Variants in CTNND2 observed in about 807,000 individuals in gnomAD.
CTNND2 encodes the protein catenin delta-2.
Under a neutral mutation model 144.4 loss-of-function variants are expected in CTNND2, and 22 were observed. That is an observed-to-expected ratio of 0.15 (90% confidence interval 0.11 to 0.22). The LOEUF (loss-of-function observed/expected upper bound fraction) is 0.22. Ranked by LOEUF, CTNND2 falls within the 10% of genes least tolerant of loss-of-function variation. The probability of loss-of-function intolerance (pLI) is 1.00; values close to 1 mark genes in which losing one functional copy is unlikely to be tolerated. For missense variants in CTNND2, 1,353 were observed against 1,618.8 expected (o/e 0.84, Z 2.82); for synonymous variants, 751 against 695.6 (o/e 1.08, Z -1.25).
chr5:11,015,227 A>C (rs1741484507), intron 18 of CTNND2, among the ~76,000 whole-genome samples: 1 of 152,236 alleles, frequency 6.6e-6, no homozygotes, highest in Non-Finnish European at 1.5e-5. Flanking sequence ...ACAATTCATA[A>C]AGATGAATGA....
chr5:11,587,485 C>T (rs967008786), intron 2 of CTNND2, among the ~76,000 whole-genome samples: 3 of 151,716 alleles, frequency 2.0e-5, no homozygotes, highest in African/African-American at 4.8e-5. Context: ...TAAAAATATC[C>T]ATGGGTAGGC....
chr5:11,254,240 C>T (rs1266068410), intron 9 of CTNND2, among the ~76,000 whole-genome samples: 2 of 152,184 alleles, frequency 1.3e-5, no homozygotes, highest in Non-Finnish European at 2.9e-5. Context: ...TCTTAAATGA[C>T]TTGTGCAAAG....
At chr5:11,320,247 T>A (rs755059585) in intron 9 of CTNND2, among the ~76,000 whole-genome samples, 7 of 152,234 alleles carry the variant, frequency 4.6e-5, no homozygotes, top group Non-Finnish European at 7.3e-5. Context: ...GGTTGGCAGG[T>A]TTTGACAGGA....
At chr5:11,303,147 C>A (rs1247076393) in intron 9 of CTNND2, among the ~76,000 whole-genome samples, 1 of 152,250 alleles carries the variant, frequency 6.6e-6, no homozygotes, top group African/African-American at 2.4e-5. Flanking sequence ...CCACTCAACA[C>A]TTAGTCCAGT....
intron 1 of CTNND2, among the ~76,000 whole-genome samples, chr5:11,818,426 C>T (rs1461220080): frequency 2.6e-5 from 4 of 151,494 alleles, no homozygotes; most frequent in South Asian, 2.1e-4. Context: ...AGGAGTGCAG[C>T]GATGTGATCT....
chr5:11,472,898 T>G (rs1224198167), intron 3 of CTNND2, among the ~76,000 whole-genome samples: 1 of 152,150 alleles, frequency 6.6e-6, no homozygotes, highest in Non-Finnish European at 1.5e-5. Context: ...TGATTAAATT[T>G]GAGCAGTGTC....
chr5:11,608,190 A>T (rs1403152318), intron 2 of CTNND2, among the ~76,000 whole-genome samples: 1 of 152,212 alleles, frequency 6.6e-6, no homozygotes, highest in African/African-American at 2.4e-5. Context: ...ATAGAAACCC[A>T]GAAAACACAT....
chr5:11,494,550 A>G (rs1172954008), intron 3 of CTNND2, among the ~76,000 whole-genome samples: 2 of 152,186 alleles, frequency 1.3e-5, no homozygotes, highest in African/African-American at 4.8e-5. Flanking sequence ...ACTCCCCTGA[A>G]GCATTCGCTC....
intron 2 of CTNND2, among the ~76,000 whole-genome samples, chr5:11,585,474 T>TATC (rs1554089659): frequency 3.1e-5 from 3 of 96,704 alleles, no homozygotes; most frequent in Non-Finnish European, 6.2e-5. Flanking sequence ...TTTATATATT[T>TATC]TATCTATGTA....
chr5:11,835,265 T>C (rs887549683), intron 1 of CTNND2, among the ~76,000 whole-genome samples: 2 of 152,238 alleles, frequency 1.3e-5, no homozygotes, highest in African/African-American at 4.8e-5. Flanking sequence ...TGTAGCCTTA[T>C]TTTCTTCTAC....
intron 2 of CTNND2, among the ~76,000 whole-genome samples, chr5:11,624,022 C>A (rs558996805): frequency 6.6e-6 from 1 of 151,572 alleles, no homozygotes; most frequent in South Asian, 2.1e-4. Context: ...AAACTTGACA[C>A]CTGACCATAT....
At chr5:11,621,190 G>T (rs2126425765) in intron 2 of CTNND2, among the ~76,000 whole-genome samples, 1 of 152,254 alleles carries the variant, frequency 6.6e-6, no homozygotes, top group Non-Finnish European at 1.5e-5. Context: ...ATAAGTATCA[G>T]ATTTTAGACT....
At chr5:11,745,309 T>A (rs566059769) in intron 1 of CTNND2, among the ~76,000 whole-genome samples, 3 of 152,220 alleles carry the variant, frequency 2.0e-5, no homozygotes, top group Admixed American at 2.0e-4. Flanking sequence ...GCGCCCTTCG[T>A]GGGATACTAT....
At chr5:11,260,760 C>T (rs983999774) in intron 9 of CTNND2, among the ~76,000 whole-genome samples, 1 of 152,148 alleles carries the variant, frequency 6.6e-6, no homozygotes. Context: ...TTGAGGGACA[C>T]ATTCAAACCT....
At chr5:11,718,821 C>A (rs193216395) in intron 2 of CTNND2, among the ~76,000 whole-genome samples, 1 of 152,072 alleles carries the variant, frequency 6.6e-6, no homozygotes, top group Non-Finnish European at 1.5e-5. Flanking sequence ...TTTTTCTCTA[C>A]CAAATATCCT....
intron 1 of CTNND2, among the ~76,000 whole-genome samples, chr5:11,855,712 G>T (rs918451399): frequency 5.3e-5 from 8 of 152,184 alleles, no homozygotes; most frequent in African/African-American, 1.9e-4. Flanking sequence ...CCTAAATGAG[G>T]TTCTGATGCA....
At chr5:11,643,334 A>C (rs1156321990) in intron 2 of CTNND2, among the ~76,000 whole-genome samples, 3 of 150,712 alleles carry the variant, frequency 2.0e-5, no homozygotes, top group African/African-American at 7.3e-5. Context: ...TGCTGCACCC[A>C]TTAACTCGTC....
chr5:11,293,515 C>G (rs1274079112), intron 9 of CTNND2, among the ~76,000 whole-genome samples: 2 of 152,054 alleles, frequency 1.3e-5, no homozygotes. Context: ...TTTACTGTTT[C>G]TTTTATAATG....
chr5:11,832,715 C>T (rs778862153), intron 1 of CTNND2, among the ~76,000 whole-genome samples: 90 of 152,202 alleles, frequency 5.9e-4, no homozygotes, highest in South Asian at 1.7e-3. Flanking sequence ...CCAAGGCAGG[C>T]GAATCACTTG....
Sources: allele counts gnomAD v4.1 joint callset (sites outside exome capture counted in the v4.1 genomes callset), GRCh38; gene constraint gnomAD v4.1.1; transcripts MANE v1.5; gene names NCBI Gene and HGNC (gene_info 2026-07-23, HGNC 2026-07-21).